ASTN1: variants seen among roughly 807,000 people sequenced by gnomAD.
ASTN1 encodes the protein astrotactin 1.
A neutral mutation model predicts 140.7 loss-of-function variants in ASTN1; 41 were observed. The ratio of observed to expected loss-of-function variants is 0.29; its 90% CI spans 0.23 to 0.38. ASTN1 has a LOEUF of 0.38. ASTN1 is among the 10% of genes least tolerant of loss of function. The probability of loss-of-function intolerance (pLI) is 1.00; values close to 1 mark genes in which losing one functional copy is unlikely to be tolerated. For missense variants in ASTN1, 1,479 were observed against 1,678.8 expected, an observed-to-expected ratio of 0.88 and a Z score of 2.08; for synonymous variants, 640 against 652.2, an observed-to-expected ratio of 0.98 and a Z score of 0.29.
intron 12 of ASTN1, among the ~76,000 whole-genome samples, chr1:176,948,835 G>A (rs1231524139): frequency 6.6e-6 from 1 of 152,130 alleles, no homozygotes; most frequent in Non-Finnish European, 1.5e-5. Context: ...AAAACCTTTT[G>A]TCACAAAACA....
At position 177,039,659 on chromosome 1, in the gene ASTN1, T is replaced by C. The variant is rs140466718; in HGVS notation, c.472-6810A>G. Among the ~76,000 whole-genome samples, 1,493 of 152,282 alleles carry C rather than the reference T, an allele frequency of 9.8e-3. 25 individuals are homozygous for C. Among genetic ancestry groups the C allele is most frequent in the African/African-American group, 0.032 (1,347 of 41,556 alleles). On this transcript the variant is annotated intron_variant, in intron 2 of 22. Transcript: ENST00000361833. ...ATAACAGGGCTAAACAGCTGTGTAA[T>C]TGTATGCAAATTGCAGAGCCCCTTT...
intron 16 of ASTN1, among the ~76,000 whole-genome samples, chr1:176,912,354 A>G (rs1670283198): frequency 6.6e-6 from 1 of 152,222 alleles, no homozygotes; most frequent in Non-Finnish European, 1.5e-5. Flanking sequence ...ATAAAACATT[A>G]TTTATGGATG....
At chr1:177,054,841 T>C (rs773453126) in intron 2 of ASTN1, among the ~76,000 whole-genome samples, 3 of 152,168 alleles carry the variant, frequency 2.0e-5, no homozygotes, top group Non-Finnish European at 4.4e-5. Context: ...AAGAAGCTAA[T>C]TCATAGCAAG....
chr1:176,924,098 T>A (rs527371352), intron 16 of ASTN1, among the ~76,000 whole-genome samples: 1 of 152,326 alleles, frequency 6.6e-6, no homozygotes, highest in East Asian at 1.9e-4. Flanking sequence ...ACATGTTGGA[T>A]AAAAGAAAAT....
At chr1:176,985,845 T>TAA (rs1673871163) in intron 8 of ASTN1, among the ~76,000 whole-genome samples, 1 of 129,668 alleles carries the variant, frequency 7.7e-6, no homozygotes, top group Non-Finnish European at 1.6e-5. Flanking sequence ...TCTCTCTCTC[T>TAA]ACACACACAC....
intron 14 of ASTN1, among the ~76,000 whole-genome samples, chr1:176,939,545 T>C (rs182542667): frequency 6.6e-6 from 1 of 152,184 alleles, no homozygotes. Context: ...AAGAAAGGGG[T>C]ATTTTAAAAG....
intron 1 of ASTN1, among the ~76,000 whole-genome samples, chr1:177,105,750 T>C (rs1680520981): frequency 6.6e-6 from 1 of 152,232 alleles, no homozygotes. Context: ...TTGTTCTCAG[T>C]GATTTCCACT....
chr1:177,029,574 T>A (rs1345305722), intron 5 of ASTN1, 60 bp downstream of exon 5: 1 of 1,539,258 alleles, frequency 6.5e-7, no homozygotes, highest in African/African-American at 1.4e-5. Flanking sequence ...CTCTTCGCCT[T>A]CCCCCGCCTC....
intron 2 of ASTN1, among the ~76,000 whole-genome samples, chr1:177,038,724 CTG>C (rs1202715397): frequency 6.6e-6 from 1 of 152,052 alleles, no homozygotes; most frequent in Non-Finnish European, 1.5e-5. Flanking sequence ...TCAGTGGTCA[CTG>C]TTATGAAGAT....
At chr1:176,995,314 A>G (rs1163296459) in intron 8 of ASTN1, among the ~76,000 whole-genome samples, 1 of 152,236 alleles carries the variant, frequency 6.6e-6, no homozygotes, top group Non-Finnish European at 1.5e-5. Context: ...TCACAGTTTG[A>G]ATACAATGGC....
chr1:176,871,294 G>A (rs1315219481), intron 21 of ASTN1, among the ~76,000 whole-genome samples: 1 of 152,214 alleles, frequency 6.6e-6, no homozygotes, highest in African/African-American at 2.4e-5. Flanking sequence ...CTTGCTGAGA[G>A]AAGAATGACC....
rs1553247172 is a variant in ASTN1 at position 177,033,123 on chromosome 1, C to CTGTCTGTGTGTG, written c.472-275_472-274insCACACACAGACA. Among the ~76,000 whole-genome samples, 9 of 146,234 alleles carry CTGTCTGTGTGTG rather than the reference C, an allele frequency of 6.2e-5. No homozygotes were observed. In the Admixed American group the frequency reaches 6.2e-4, roughly 10 times the overall value. On this transcript the variant is annotated intron_variant, in intron 2 of 22. Transcript: ENST00000361833. Reference sequence around the variant, plus strand: ...TAGCAAACAATTTGAAGAAACAAGTCTGTGTGTGTGTGTGTGTGTGTGTGT... The same window carrying CTGTCTGTGTGTG: ...TAGCAAACAATTTGAAGAAACAAGTCTGTCTGTGTGTGTGTGTGTGTGTGTGTGTGTGTGTGT...
intron 1 of ASTN1, among the ~76,000 whole-genome samples, chr1:177,109,440 A>G (rs1680709002): frequency 6.7e-6 from 1 of 149,108 alleles, no homozygotes; most frequent in Admixed American, 6.7e-5. Context: ...ACACACATAC[A>G]GAGAGAGAGA....
At chr1:177,086,361 A>G (rs1417069079) in intron 1 of ASTN1, among the ~76,000 whole-genome samples, 1 of 152,164 alleles carries the variant, frequency 6.6e-6, no homozygotes, top group Non-Finnish European at 1.5e-5. Flanking sequence ...GTTTCTGAAG[A>G]AGAAAAAAAA....
intron 8 of ASTN1, among the ~76,000 whole-genome samples, chr1:176,975,100 C>T (rs1285000204): frequency 6.6e-6 from 1 of 152,162 alleles, no homozygotes; most frequent in Non-Finnish European, 1.5e-5. Flanking sequence ...CTGTAGTTTC[C>T]CTGTATATTT....
chr1:177,145,271 C>A (rs187159573), intron 1 of ASTN1, among the ~76,000 whole-genome samples: 2 of 152,230 alleles, frequency 1.3e-5, no homozygotes, highest in East Asian at 3.9e-4. Context: ...CCCTTTAATA[C>A]CAAGGCCCCT....
At chr1:177,148,673 GT>G (rs1300825645) in intron 1 of ASTN1, among the ~76,000 whole-genome samples, 12 of 148,034 alleles carry the variant, frequency 8.1e-5, no homozygotes, top group African/African-American at 2.7e-4. Flanking sequence ...AGTTTTACAA[GT>G]TATTTTCCTT....
chr1:177,046,812 G>A (rs1409823437), intron 2 of ASTN1, among the ~76,000 whole-genome samples: 2 of 152,144 alleles, frequency 1.3e-5, no homozygotes, highest in Admixed American at 6.5e-5. Flanking sequence ...AGAAAAGGGA[G>A]CCACAGGACC....
At chr1:177,014,026 A>C (rs1675421518) in intron 8 of ASTN1, among the ~76,000 whole-genome samples, 1 of 152,044 alleles carries the variant, frequency 6.6e-6, no homozygotes, top group Non-Finnish European at 1.5e-5. Flanking sequence ...AGCCTGGGCA[A>C]CAAAGCAAGA....
Sources: gnomAD v4.1 joint callset for allele counts (sites outside exome capture counted in the v4.1 genomes callset) on GRCh38, gnomAD v4.1.1 for gene constraint, MANE v1.5 for transcripts, NCBI Gene and HGNC (gene_info 2026-07-23, HGNC 2026-07-21) for gene names.